The following MYO5A variants were observed in gnomAD, a reference collection of about 807,000 sequenced individuals.
The protein encoded by MYO5A is myosin VA.
A neutral mutation model predicts 249.7 loss-of-function variants in MYO5A; 98 were observed. The observed-to-expected ratio is 0.39, with a 90% CI of 0.33 to 0.46. The LOEUF (loss-of-function observed/expected upper bound fraction) is 0.46, where lower values mean the gene tolerates loss of function less well. Among genes scored for constraint, MYO5A ranks in the 20% least tolerant of loss-of-function variants. The pLI is 0.98. For missense variants in MYO5A, 1,696 were observed against 2,308.8 expected (o/e 0.73, Z 5.44); for synonymous variants, 778 against 810.6 (o/e 0.96, Z 0.68).
intron 37 of MYO5A, among the ~76,000 whole-genome samples, chr15:52,322,248 C>T (rs752865772): frequency 2.6e-5 from 4 of 152,238 alleles, no homozygotes; most frequent in South Asian, 2.1e-4. Flanking sequence ...ATGCAGTCAA[C>T]GACCCCTCTG....
chr15:52,486,160 G>A (rs1017616051), intron 1 of MYO5A, among the ~76,000 whole-genome samples: 2 of 152,124 alleles, frequency 1.3e-5, no homozygotes, highest in Non-Finnish European at 2.9e-5. Context: ...TAAGCTGGGG[G>A]TGGGGGATGG....
chr15:52,465,175 T>C (rs2141427836), intron 1 of MYO5A, among the ~76,000 whole-genome samples: 1 of 152,306 alleles, frequency 6.6e-6, no homozygotes, highest in Non-Finnish European at 1.5e-5. Flanking sequence ...GGCAAATGAG[T>C]AGGCCATCTT....
intron 1 of MYO5A, among the ~76,000 whole-genome samples, chr15:52,446,151 C>T (rs1227993466): frequency 6.6e-6 from 1 of 152,196 alleles, no homozygotes; most frequent in African/African-American, 2.4e-5. Context: ...CCCAGCAGCC[C>T]CTCCCACCAC....
chr15:52,340,076 G>T (rs748343282), intron 32 of MYO5A, 120 bp downstream of exon 32: 27 of 984,258 alleles, frequency 2.7e-5, no homozygotes, highest in Non-Finnish European at 4.1e-5. Flanking sequence ...GAGTAAGAGG[G>T]GTAACAAGTA....
chr15:52,426,072 C>A, intron 3 of MYO5A, 98 bp from the exon 4 acceptor site: 1 of 1,043,250 alleles, frequency 9.6e-7, no homozygotes, highest in Non-Finnish European at 1.4e-6. Context: ...TAACACAATC[C>A]TTCATTTCAA....
chr15:52,448,141 G>A (rs1595702463), intron 1 of MYO5A, among the ~76,000 whole-genome samples: 1 of 152,244 alleles, frequency 6.6e-6, no homozygotes, highest in East Asian at 1.9e-4. Context: ...GAGCAGCTGT[G>A]GGGTGGGGCA....
chr15:52,337,984 T>G (rs1191452377), intron 32 of MYO5A, 100 bp from the exon 33 acceptor site: 1 of 774,780 alleles, frequency 1.3e-6, no homozygotes, highest in East Asian at 2.7e-5. Context: ...AAAATACAAA[T>G]AGTGAAACTA....
chr15:52,440,703 A>T (rs1383906354), intron 1 of MYO5A, among the ~76,000 whole-genome samples: 1 of 152,186 alleles, frequency 6.6e-6, no homozygotes, highest in African/African-American at 2.4e-5. Flanking sequence ...TGGGCACCAA[A>T]AGCAGTTGCT....
At chr15:52,393,586 G>A (rs1458819716) in intron 11 of MYO5A, among the ~76,000 whole-genome samples, 1 of 151,998 alleles carries the variant, frequency 6.6e-6, no homozygotes, top group Non-Finnish European at 1.5e-5. Context: ...GTAGAGACGG[G>A]GTTTCACCGT....
chr15:52,393,124 G>C (rs968543520), intron 11 of MYO5A, among the ~76,000 whole-genome samples: 4 of 152,166 alleles, frequency 2.6e-5, no homozygotes, highest in African/African-American at 4.8e-5. Flanking sequence ...AGATGCTAAT[G>C]ACTGCTACTC....
chr15:52,427,306 T>C (rs1175545268), intron 3 of MYO5A, among the ~76,000 whole-genome samples: 1 of 152,104 alleles, frequency 6.6e-6, no homozygotes. Flanking sequence ...AAAAGACTAA[T>C]CTTTACCCTC....
chr15:52,514,599 G>A (rs549053303), intron 1 of MYO5A, among the ~76,000 whole-genome samples: 3 of 152,270 alleles, frequency 2.0e-5, no homozygotes, highest in East Asian at 3.9e-4. Flanking sequence ...GAGAGATGAG[G>A]CAGGCCCAGG....
chr15:52,406,647 T>G (rs3794557), intron 8 of MYO5A, among the ~76,000 whole-genome samples: 31,028 of 152,112 alleles, frequency 0.2, 3,923 homozygotes, highest in East Asian at 0.56. Context: ...CTGAGGTTTT[T>G]TTTTTCTTTA....
intron 1 of MYO5A, among the ~76,000 whole-genome samples, chr15:52,495,004 A>G (rs1465968991): frequency 6.6e-6 from 1 of 152,176 alleles, no homozygotes; most frequent in Non-Finnish European, 1.5e-5. Flanking sequence ...ACAAGTTTCA[A>G]TGTTAGCTAG....
intron 1 of MYO5A, among the ~76,000 whole-genome samples, chr15:52,444,021 C>T (rs1211974434): frequency 6.6e-6 from 1 of 152,020 alleles, no homozygotes; most frequent in East Asian, 1.9e-4. Flanking sequence ...TCAGCTCCCT[C>T]CAGACACTGA....
intron 4 of MYO5A, among the ~76,000 whole-genome samples, chr15:52,424,705 C>G (rs1192215321): frequency 6.6e-6 from 1 of 152,088 alleles, no homozygotes; most frequent in African/African-American, 2.4e-5. Flanking sequence ...ATAAATTACT[C>G]GTGGGTTTCC....
chr15:52,324,666 G>A (rs1181855837), intron 36 of MYO5A, among the ~76,000 whole-genome samples: 5 of 152,056 alleles, frequency 3.3e-5, no homozygotes, highest in Non-Finnish European at 7.4e-5. Flanking sequence ...TCTGCCTTTG[G>A]TTTCTTAGTA....
At chr15:52,364,903 T>C (rs902507493) in intron 23 of MYO5A, among the ~76,000 whole-genome samples, 1 of 152,224 alleles carries the variant, frequency 6.6e-6, no homozygotes, top group Non-Finnish European at 1.5e-5. Context: ...AACAATCATC[T>C]ACTGAGTTAT....
intron 29 of MYO5A, among the ~76,000 whole-genome samples, chr15:52,346,794 A>T (rs554313006): frequency 2.0e-5 from 3 of 151,116 alleles, no homozygotes; most frequent in Non-Finnish European, 4.4e-5. Context: ...ATATTTTATA[A>T]AGTATATAAT....
Sources: allele counts gnomAD v4.1 joint callset (sites outside exome capture counted in the v4.1 genomes callset), GRCh38; gene constraint gnomAD v4.1.1; transcripts MANE v1.5; gene names NCBI Gene and HGNC (gene_info 2026-07-23, HGNC 2026-07-21).